RSRC1: variants seen among roughly 807,000 people sequenced by gnomAD.
The protein encoded by RSRC1 is serine/Arginine-related protein 53.
Under a neutral mutation model 49.1 loss-of-function variants are expected in RSRC1, and 39 were observed. The ratio of observed to expected loss-of-function variants is 0.79; its 90% CI spans 0.61 to 1.04. The LOEUF is 1.04. RSRC1 is among the 50% of genes least tolerant of loss of function. The pLI is 0.00. For synonymous variants in RSRC1, 143 were observed against 130.8 expected (o/e 1.09, Z -0.63); for missense variants, 388 against 402.4 (o/e 0.96, Z 0.31).
At chr3:158,303,359 T>A (rs1727671959) in intron 5 of RSRC1, 1 of 152,224 alleles carries the variant, frequency 6.6e-6, no homozygotes, top group Non-Finnish European at 1.5e-5. Context: ...ATTATCCTGA[T>A]CAGTATGATG....
rs551207279 is a variant in RSRC1 at position 158,289,153 on chromosome 3, G to A, written c.495-8886G>A. ...TATGTCTAAAAGACCTCTTTTATTG[G>A]TTCTTTTACATCAGATCTACTGATG... On this transcript the variant is annotated intron_variant, in intron 4 of 9. Coordinates refer to ENST00000611884, the MANE Select transcript of RSRC1 (RefSeq NM_001271838.2). 1.2e-4 allele frequency among the ~76,000 whole-genome samples: 18 copies of A among 151,958 alleles called. No individual in the cohort carries two copies. The South Asian group carries it at 1.5e-3, about 12-fold the overall frequency.
intron 6 of RSRC1, among the ~76,000 whole-genome samples, chr3:158,365,082 C>T (rs910511986): frequency 6.6e-6 from 1 of 152,056 alleles, no homozygotes; most frequent in Non-Finnish European, 1.5e-5. Context: ...CACATGTCCT[C>T]CTCATACCAG....
chr3:158,524,479 T>G (rs1303341723), intron 7 of RSRC1, among the ~76,000 whole-genome samples: 1 of 152,074 alleles, frequency 6.6e-6, no homozygotes, highest in South Asian at 2.1e-4. Context: ...CAAGCTTCAT[T>G]ATAAATTTAA....
At chr3:158,217,212 T>A (rs954736163) in intron 4 of RSRC1, among the ~76,000 whole-genome samples, 1 of 151,708 alleles carries the variant, frequency 6.6e-6, no homozygotes, top group Non-Finnish European at 1.5e-5. Context: ...GAGTCCATGA[T>A]ATGACTCTTT....
intron 6 of RSRC1, among the ~76,000 whole-genome samples, chr3:158,427,217 C>T (rs1735496719): frequency 6.6e-6 from 1 of 151,644 alleles, no homozygotes; most frequent in Non-Finnish European, 1.5e-5. Context: ...GGAGGCTAGA[C>T]TGAAGTATCA....
At chr3:158,247,473 C>T (rs1001433938) in intron 4 of RSRC1, among the ~76,000 whole-genome samples, 11 of 151,602 alleles carry the variant, frequency 7.3e-5, no homozygotes, top group Admixed American at 3.3e-4. Context: ...CAGGGTTTTG[C>T]ACTGATTTCA....
At chr3:158,332,229 C>T (rs1473658343) in intron 5 of RSRC1, among the ~76,000 whole-genome samples, 1 of 152,104 alleles carries the variant, frequency 6.6e-6, no homozygotes, top group Non-Finnish European at 1.5e-5. Context: ...TCATAACTAA[C>T]AACACCCATA....
intron 5 of RSRC1, among the ~76,000 whole-genome samples, chr3:158,353,853 G>A (rs1233798567): frequency 6.6e-6 from 1 of 152,008 alleles, no homozygotes; most frequent in Non-Finnish European, 1.5e-5. Context: ...CTCAAGTATG[G>A]ACAACAGTTT....
At chr3:158,464,938 T>G (rs1737803909) in intron 7 of RSRC1, among the ~76,000 whole-genome samples, 2 of 152,136 alleles carry the variant, frequency 1.3e-5, no homozygotes, top group African/African-American at 2.4e-5. Flanking sequence ...ATAGCCTGCA[T>G]AAATCACAAC....
chr3:158,282,760 A>C (rs780859662), intron 4 of RSRC1, among the ~76,000 whole-genome samples: 31 of 152,196 alleles, frequency 2.0e-4, no homozygotes, highest in Non-Finnish European at 4.0e-4. Context: ...AGGTAGATGA[A>C]TGGATGAGCA....
At chr3:158,408,903 C>T (rs766721948) in intron 6 of RSRC1, among the ~76,000 whole-genome samples, 1 of 151,902 alleles carries the variant, frequency 6.6e-6, no homozygotes. Context: ...CATGGTGGCT[C>T]AGGCTTGTAA....
intron 6 of RSRC1, among the ~76,000 whole-genome samples, chr3:158,453,204 C>T (rs1737138548): frequency 8.2e-6 from 1 of 122,602 alleles, no homozygotes; most frequent in Non-Finnish European, 1.5e-5. Context: ...TATTTTCAAA[C>T]TCCTGTGCAC....
chr3:158,388,826 G>A (rs536633341), intron 6 of RSRC1, among the ~76,000 whole-genome samples: 1 of 152,140 alleles, frequency 6.6e-6, no homozygotes. Flanking sequence ...GGCCAGGATG[G>A]TCTCGATCTC....
chr3:158,110,992 T>C (rs73164066), intron 1 of RSRC1, among the ~76,000 whole-genome samples: 36,500 of 152,224 alleles, frequency 0.24, 5,021 homozygotes, highest in Non-Finnish European at 0.31. Flanking sequence ...AAAAATATTT[T>C]TTTACACTTT....
chr3:158,278,223 A>G (rs1327517637), intron 4 of RSRC1, among the ~76,000 whole-genome samples: 1 of 152,234 alleles, frequency 6.6e-6, no homozygotes, highest in East Asian at 1.9e-4. Context: ...CTGATTAAAT[A>G]CCACATTTTA....
At chr3:158,305,203 A>G (rs903562746) in intron 5 of RSRC1, among the ~76,000 whole-genome samples, 1 of 152,034 alleles carries the variant, frequency 6.6e-6, no homozygotes, top group African/African-American at 2.4e-5. Flanking sequence ...GTGTTTTATT[A>G]TAAGGCACAA....
At chr3:158,410,253 T>C (rs1218016305) in intron 6 of RSRC1, among the ~76,000 whole-genome samples, 2 of 152,186 alleles carry the variant, frequency 1.3e-5, no homozygotes, top group Non-Finnish European at 2.9e-5. Flanking sequence ...TGGACCACTC[T>C]AACCCATTGG....
chr3:158,277,085 C>A (rs1375453454), intron 4 of RSRC1, among the ~76,000 whole-genome samples: 1 of 151,948 alleles, frequency 6.6e-6, no homozygotes, highest in Non-Finnish European at 1.5e-5. Context: ...AAATCTATAA[C>A]AAGAGAGAAA....
chr3:158,236,124 A>T (rs962488577), intron 4 of RSRC1, among the ~76,000 whole-genome samples: 2 of 151,252 alleles, frequency 1.3e-5, no homozygotes, highest in Non-Finnish European at 2.9e-5. Flanking sequence ...CTCAAAAAAA[A>T]AAAAGGAAGA....
Sources: allele counts gnomAD v4.1 joint callset (sites outside exome capture counted in the v4.1 genomes callset), GRCh38; gene constraint gnomAD v4.1.1; transcripts MANE v1.5; gene names NCBI Gene and HGNC (gene_info 2026-07-23, HGNC 2026-07-21).